NTM: variants seen among roughly 807,000 people sequenced by gnomAD.
NTM encodes IgLON family member 2.
Under a neutral mutation model 42.1 loss-of-function variants are expected in NTM, and 13 were observed. The ratio of observed to expected loss-of-function variants is 0.31; its 90% CI spans 0.20 to 0.49. NTM has a LOEUF of 0.49. Among genes scored for constraint, NTM ranks in the 20% least tolerant of loss-of-function variants. NTM has a pLI of 0.99. For synonymous variants in NTM, 187 were observed against 179.2 expected (o/e 1.04, Z -0.35); for missense variants, 373 against 452.8 (o/e 0.82, Z 1.60).
chr11:131,983,052 A>AT (rs11418861), intron 2 of NTM, among the ~76,000 whole-genome samples: 42,003 of 145,296 alleles, frequency 0.29, 6,067 homozygotes, highest in African/African-American at 0.33. Flanking sequence ...AAGGAAAATG[A>AT]TTTTTTTTTT....
At chr11:131,862,761 G>A (rs1191909021) in intron 1 of NTM, among the ~76,000 whole-genome samples, 1 of 152,144 alleles carries the variant, frequency 6.6e-6, no homozygotes, top group Admixed American at 6.5e-5. Flanking sequence ...TCCAAACCTC[G>A]AAATATGAGT....
intron 3 of NTM, among the ~76,000 whole-genome samples, chr11:132,210,846 G>A (rs908227938): frequency 5.3e-5 from 8 of 152,174 alleles, no homozygotes; most frequent in African/African-American, 1.7e-4. Context: ...GCTTCAGAAG[G>A]TTCCAAAATA....
intron 2 of NTM, among the ~76,000 whole-genome samples, chr11:131,943,099 A>C (rs1018754289): frequency 2.0e-5 from 3 of 152,178 alleles, no homozygotes; most frequent in African/African-American, 7.2e-5. Flanking sequence ...GCAGCAGCCT[A>C]GCATGTTCAC....
intron 1 of NTM, among the ~76,000 whole-genome samples, chr11:131,763,709 C>CTCTTTTTTTT (rs2084620795): frequency 2.8e-5 from 2 of 71,362 alleles, no homozygotes; most frequent in African/African-American, 1.1e-4. Context: ...ATCTCTCTCT[C>CTCTTTTTTTT]TTTTTTTTTT....
intron 3 of NTM, among the ~76,000 whole-genome samples, chr11:132,162,345 TTGTG>T (rs1353784113): frequency 6.7e-6 from 1 of 148,920 alleles, no homozygotes; most frequent in Non-Finnish European, 1.5e-5. Context: ...GTGTGTGTGT[TTGTG>T]GGGCATGTGG....
intron 2 of NTM, among the ~76,000 whole-genome samples, chr11:132,065,157 C>A (rs1476926810): frequency 6.6e-6 from 1 of 152,182 alleles, no homozygotes; most frequent in African/African-American, 2.4e-5. Flanking sequence ...GCTTTGTAAA[C>A]ATTGCATGCA....
chr11:132,071,918 C>G (rs188765195), intron 2 of NTM, among the ~76,000 whole-genome samples: 1 of 152,102 alleles, frequency 6.6e-6, no homozygotes, highest in African/African-American at 2.4e-5. Flanking sequence ...CTTCTGTGCT[C>G]GTAACTCACA....
At chr11:131,449,239 A>G (rs984701989) in intron 1 of NTM, among the ~76,000 whole-genome samples, 1 of 151,284 alleles carries the variant, frequency 6.6e-6, no homozygotes, top group Non-Finnish European at 1.5e-5. Flanking sequence ...ACACAGAAGG[A>G]CAGCCGGGGA....
At chr11:131,912,608 A>C (rs1246451512) in intron 2 of NTM, among the ~76,000 whole-genome samples, 1 of 152,220 alleles carries the variant, frequency 6.6e-6, no homozygotes, top group Admixed American at 6.5e-5. Context: ...AATAAGCATG[A>C]GGTGGACGTT....
chr11:131,549,912 C>G (rs2054434303), intron 1 of NTM, among the ~76,000 whole-genome samples: 1 of 152,200 alleles, frequency 6.6e-6, no homozygotes, highest in Non-Finnish European at 1.5e-5. Flanking sequence ...CTTTCCCGTG[C>G]CCACGTGTGC....
intron 1 of NTM, among the ~76,000 whole-genome samples, chr11:131,710,183 C>T (rs1224513913): frequency 7.2e-5 from 11 of 152,176 alleles, no homozygotes; most frequent in Admixed American, 7.2e-4. Context: ...TTCACCAACT[C>T]AGGACAACTC....
At chr11:131,664,138 A>C (rs2068577287) in intron 1 of NTM, among the ~76,000 whole-genome samples, 1 of 152,212 alleles carries the variant, frequency 6.6e-6, no homozygotes, top group African/African-American at 2.4e-5. Context: ...CAGGGAGGTG[A>C]CAAAGAGCTG....
At chr11:131,503,255 G>A (rs1334677864) in intron 1 of NTM, among the ~76,000 whole-genome samples, 2 of 152,184 alleles carry the variant, frequency 1.3e-5, no homozygotes, top group African/African-American at 4.8e-5. Context: ...CCTGTGCACA[G>A]GTAAGGGGCT....
chr11:132,310,668 T>A (rs1292795536), intron 6 of NTM, among the ~76,000 whole-genome samples: 1 of 152,182 alleles, frequency 6.6e-6, no homozygotes, highest in Non-Finnish European at 1.5e-5. Context: ...TCTCCCCTCC[T>A]GTTCCAGACA....
intron 1 of NTM, among the ~76,000 whole-genome samples, chr11:131,590,434 A>G (rs2059263972): frequency 6.6e-6 from 1 of 152,220 alleles, no homozygotes; most frequent in Admixed American, 6.5e-5. Context: ...ACAGCCTCAG[A>G]GTTTAAGAAC....
intron 1 of NTM, among the ~76,000 whole-genome samples, chr11:131,887,508 T>C (rs2050599147): frequency 6.6e-6 from 1 of 152,196 alleles, no homozygotes; most frequent in South Asian, 2.1e-4. Flanking sequence ...AACCTCAGCT[T>C]CTTTGTTCTT....
intron 2 of NTM, among the ~76,000 whole-genome samples, chr11:132,049,321 A>G (rs2078506031): frequency 6.6e-6 from 1 of 152,162 alleles, no homozygotes. Context: ...TACAGGGCAC[A>G]CTTCCTAGGA....
At chr11:131,578,668 C>A (rs2058138850) in intron 1 of NTM, among the ~76,000 whole-genome samples, 1 of 152,154 alleles carries the variant, frequency 6.6e-6, no homozygotes. Context: ...CAGCTGTGAA[C>A]CCTTATGCAA....
chr11:132,156,936 G>C (rs2073319485), intron 3 of NTM, among the ~76,000 whole-genome samples: 1 of 152,206 alleles, frequency 6.6e-6, no homozygotes, highest in Non-Finnish European at 1.5e-5. Context: ...CGGGAGCAGA[G>C]GGATATGAAG....
Sources: gnomAD v4.1 joint callset for allele counts (sites outside exome capture counted in the v4.1 genomes callset) on GRCh38, gnomAD v4.1.1 for gene constraint, MANE v1.5 for transcripts, NCBI Gene and HGNC (gene_info 2026-07-23, HGNC 2026-07-21) for gene names.